The following FAM91A1 variants were observed in gnomAD, a reference collection of about 807,000 sequenced individuals.
The protein encoded by FAM91A1 is family with sequence similarity 91 member A1, also known as protein FAM91A1.
In FAM91A1, 41 loss-of-function variants were observed where a neutral mutation model predicts 113.5. That is an observed-to-expected ratio of 0.36 (90% CI 0.28 to 0.47). FAM91A1 has a LOEUF of 0.47. Among genes scored for constraint, FAM91A1 ranks in the 20% least tolerant of loss-of-function variants. FAM91A1 has a pLI of 1.00. For missense variants in FAM91A1, 696 were observed against 1,001.2 expected (o/e 0.70, Z 4.11); for synonymous variants, 307 against 347.9 (o/e 0.88, Z 1.31).
At position 123,780,032 on chromosome 8, in the gene FAM91A1, A is replaced by C. The variant is rs750692210; in HGVS notation, c.597A>C (p.Ser199=). Reference sequence around the variant, plus strand: ...GCGCTGTTGATAAGATCATCGATTCAGGCCCTCAACTCTCTGGATCACTAG... The same window carrying C: ...GCGCTGTTGATAAGATCATCGATTCCGGCCCTCAACTCTCTGGATCACTAG... ...EKCAVDKIID[S]GPQLSGSLDY... The change falls in exon 7 of 24, where the codon TCA becomes TCC. Residue 199 remains serine, a synonymous_variant. Transcript: ENST00000334705. 15 of 1,613,576 alleles carry C rather than the reference A, an allele frequency of 9.3e-6. No homozygotes were observed. The Admixed American group carries it at 2.5e-4, about 27-fold the overall frequency.
rs1390909745 is a variant in FAM91A1 at position 123,774,151 on chromosome 8, T to C, written c.144T>C (p.Tyr48=). The part of the protein sequence containing the change: ...VLYSIRNQLR[Y]RNNLVKHVKK... ...ACAGTATCCGCAATCAGTTACGATA[T>C]AGAAATAACTTAGGTAAGTAGAGCC... The change falls in exon 2 of 24, where the codon TAT becomes TAC. Residue 48 remains tyrosine (Y), a synonymous_variant. Coordinates refer to ENST00000334705, the MANE Select transcript of FAM91A1 (RefSeq NM_144963.4). 1 of 1,608,154 alleles carries C rather than the reference T, an allele frequency of 6.2e-7. No homozygotes were observed. The highest frequency in any genetic ancestry group is 8.5e-7 in the Non-Finnish European group (1 of 1,178,136).
chr8:123,810,151 GT>G, intron 22 of FAM91A1, 130 bp from the exon 23 acceptor site: 2 of 801,596 alleles, frequency 2.5e-6, no homozygotes, highest in South Asian at 4.6e-5. Flanking sequence ...CACTGAAATT[GT>G]TTTTTAAGAT....
At position 123,775,301 on chromosome 8, in the gene FAM91A1, G is replaced by T; in HGVS notation, c.309+3G>T. ...CATATTATACTGGGATTATGGAGGT[G>T]AGTTTACAGTGTGGGTGAGCCAGTG... On this transcript the variant is annotated splice_donor_region_variant and intron_variant, in intron 3 of 23. Transcript: ENST00000334705. The T allele has an allele frequency of 6.2e-7, 1 of 1,613,048 alleles. No individual in the cohort carries two copies. The highest frequency in any genetic ancestry group is 1.1e-5 in the South Asian group (1 of 90,844).
intron 13 of FAM91A1, 97 bp downstream of exon 13, chr8:123,787,470 T>A: frequency 9.1e-7 from 1 of 1,100,024 alleles, no homozygotes; most frequent in Non-Finnish European, 1.3e-6. Flanking sequence ...GTACTACATT[T>A]ATTCCCGAAG....
intron 15 of FAM91A1, among the ~76,000 whole-genome samples, chr8:123,796,241 AC>A (rs1815517500): frequency 6.6e-6 from 1 of 152,152 alleles, no homozygotes; most frequent in Non-Finnish European, 1.5e-5. Flanking sequence ...ATGGAAGAGA[AC>A]TCTAATAGAA....
At chr8:123,777,172 T>A (rs930163523) in intron 3 of FAM91A1, 93 bp from the exon 4 acceptor site, 23 of 871,380 alleles carry the variant, frequency 2.6e-5, no homozygotes, top group Non-Finnish European at 3.5e-5. Flanking sequence ...CCTGTAATAA[T>A]CATTGTTATT....
chr8:123,812,418 A>G, intron 23 of FAM91A1, 101 bp from the exon 24 acceptor site: 1 of 1,039,292 alleles, frequency 9.6e-7, no homozygotes, highest in South Asian at 1.7e-5. Flanking sequence ...TGCAATCCAT[A>G]AACACTTCTC....
At chr8:123,772,645 T>C (rs1382135610) in intron 1 of FAM91A1, among the ~76,000 whole-genome samples, 1 of 152,200 alleles carries the variant, frequency 6.6e-6, no homozygotes, top group Admixed American at 6.5e-5. Context: ...TTAGGGGTGC[T>C]GCACCCCTGT....
rs1814772217 is a variant in FAM91A1 at position 123,768,871 on chromosome 8, G to C, written c.72+97G>C. 8.1e-6 allele frequency: 10 copies of C among 1,238,580 alleles called. No individual in the cohort carries two copies. In the East Asian group the frequency reaches 2.5e-4, roughly 31 times the overall value. The allele number at this position is 1,238,580 out of a possible 1,614,324, so 76.7% of individuals were successfully genotyped here. On this transcript the variant is annotated intron_variant, in intron 1 of 23. Transcript: ENST00000334705. The stretch of plus-strand genomic sequence containing the variant: ...GCGGGGCCCGAGCGGGCTGCTGCCG[G>C]CTGACTCCCTTCCTTTACTCCTCCG...
intron 16 of FAM91A1, among the ~76,000 whole-genome samples, chr8:123,798,491 T>C (rs1815598300): frequency 1.3e-5 from 2 of 152,208 alleles, no homozygotes. Context: ...GAGAATGTTT[T>C]AGGATGCTCC....
chr8:123,778,727 G>A lies in FAM91A1; in HGVS notation c.504G>A (p.Ala168=), dbSNP rs201064827. The change falls in exon 6 of 24, where the codon GCG becomes GCA. Residue 168 remains alanine (A), a synonymous_variant. Transcript: ENST00000334705. ...AGCCAGTGGAAATTGCCATAGAGGC[G>A]TGGTGGGTGGTGCAGGCTGGCTATA... ...PIKPVEIAIE[A]WWVVQAGYIT... is the part of the protein sequence containing the mutation. 2.9e-5 allele frequency: 47 copies of A among 1,607,034 alleles called. No homozygotes were observed. The highest frequency in any genetic ancestry group is 3.3e-5 in the South Asian group (3 of 90,508).
In FAM91A1 at chr8:123,812,519, G is replaced by A; in HGVS notation, c.2332G>A (p.Glu778Lys). The A allele has an allele frequency of 6.4e-7, 1 of 1,573,060 alleles. No individual in the cohort carries two copies. Among genetic ancestry groups the A allele is most frequent in the East Asian group, 2.3e-5 (1 of 43,874 alleles). ...TTTCTCTTGTTTCTTGATCTTTTAG[G>A]AAGGTGCTTCAATATTGGATATTCA... Reference protein sequence around the residue: ...QVLNFVHSFQEGASILDIHTE... With the variant: ...QVLNFVHSFQKGASILDIHTE... Residue 778 changes from glutamate (E) to lysine (K), a missense_variant and splice_region_variant, in exon 24 of 24, where the codon GAA (glutamate) becomes AAA (lysine). Transcript: ENST00000334705.
rs1361992344 is a variant in FAM91A1 at position 123,813,610 on chromosome 8, G to GTGAT, written c.*907_*910dup. ...TATGTCTTTGGATCAGAATGCTTTA[G>GTGAT]TGATAAACCTACTTTGAAGACATAC... On this transcript the variant is annotated 3_prime_UTR_variant, in exon 24 of 24. Transcript: ENST00000334705. The GTGAT allele has an allele frequency of 6.6e-6, 1 of 152,252 alleles. No homozygotes were observed. The highest frequency in any genetic ancestry group is 2.4e-5 in the African/African-American group (1 of 41,448). The allele number at this position is 152,252 out of a possible 1,614,324, so 9.4% of individuals were successfully genotyped here. A position where few individuals can be genotyped will look rare whatever the true frequency, so the allele number is the denominator to read the frequency against.
intron 2 of FAM91A1, among the ~76,000 whole-genome samples, chr8:123,774,570 C>G (rs1814933160): frequency 6.6e-6 from 1 of 151,694 alleles, no homozygotes; most frequent in Admixed American, 6.6e-5. Flanking sequence ...ATAGTTCATT[C>G]CATGATTTTT....
chr8:123,802,571 C>T (rs1316910173), intron 18 of FAM91A1, among the ~76,000 whole-genome samples: 2 of 151,996 alleles, frequency 1.3e-5, no homozygotes, highest in Non-Finnish European at 2.9e-5. Context: ...TTATATGGTG[C>T]CTGTGGTAAT....
intron 3 of FAM91A1, among the ~76,000 whole-genome samples, 191 bp downstream of exon 3, chr8:123,775,489 TGTTTTTACATTG>T (rs1397142556): frequency 3.3e-5 from 5 of 152,226 alleles, no homozygotes; most frequent in African/African-American, 1.2e-4. Context: ...TCCTTATTGA[TGTTTTTACATTG>T]GGAAGCTGTC....
chr8:123,799,919 A>G (rs773514005), intron 18 of FAM91A1, 34 bp downstream of exon 18: 10 of 1,509,382 alleles, frequency 6.6e-6, no homozygotes, highest in Non-Finnish European at 9.0e-6. Context: ...TTGTCTTTTT[A>G]TTATAAAGTT....
intron 10 of FAM91A1, 102 bp from the exon 11 acceptor site, chr8:123,785,527 T>C: frequency 1.3e-6 from 1 of 779,234 alleles, no homozygotes; most frequent in South Asian, 1.7e-5. Flanking sequence ...GATGAAAATG[T>C]TTGAGAATCA....
At chr8:123,797,907 T>C (rs2130127427) in intron 15 of FAM91A1, among the ~76,000 whole-genome samples, 183 bp from the exon 16 acceptor site, 1 of 152,246 alleles carries the variant, frequency 6.6e-6, no homozygotes, top group East Asian at 1.9e-4. Flanking sequence ...GAATAAAACA[T>C]TTTAGCTTTG....
Sources: allele counts gnomAD v4.1 joint callset (sites outside exome capture counted in the v4.1 genomes callset), GRCh38; gene constraint gnomAD v4.1.1; transcripts MANE v1.5; gene names NCBI Gene and HGNC (gene_info 2026-07-23, HGNC 2026-07-21).